Variants in IFT57 observed in about 807,000 individuals in gnomAD.
IFT57 encodes the protein intraflagellar transport 57, also known as intraflagellar transport protein 57 homolog.
A neutral mutation model predicts 56.8 loss-of-function variants in IFT57; 59 were observed. The observed-to-expected ratio is 1.04, with a 90% CI of 0.84 to 1.29. The LOEUF (loss-of-function observed/expected upper bound fraction) is 1.29, where lower values mean the gene tolerates loss of function less well. Ranked by LOEUF, IFT57 falls within the 50% of genes most tolerant of loss-of-function variation. The pLI, the probability that IFT57 is intolerant of heterozygous loss-of-function variation, is 0.00. For missense variants in IFT57, 470 were observed against 522.1 expected, an observed-to-expected ratio of 0.90 and a Z score of 0.97; for synonymous variants, 209 against 186.1, an observed-to-expected ratio of 1.12 and a Z score of -1.00.
chr3:108,217,916 G>A (rs1175313985), intron 3 of IFT57, among the ~76,000 whole-genome samples: 7 of 151,736 alleles, frequency 4.6e-5, no homozygotes, highest in African/African-American at 1.7e-4. Flanking sequence ...GATACACCAA[G>A]CATTATGCTA....
chr3:108,218,704 T>C, intron 2 of IFT57, 51 bp from the exon 3 acceptor site: 1 of 864,350 alleles, frequency 1.2e-6, no homozygotes, highest in Non-Finnish European at 1.8e-6. Context: ...ATACTCCAAA[T>C]GTCAAATATT....
intron 4 of IFT57, among the ~76,000 whole-genome samples, chr3:108,209,098 C>T (rs894043471): frequency 2.0e-5 from 3 of 152,130 alleles, no homozygotes; most frequent in African/African-American, 7.2e-5. Flanking sequence ...GTTATAAACA[C>T]AAACTACAAG....
At chr3:108,209,214 T>C (rs762487264) in intron 4 of IFT57, among the ~76,000 whole-genome samples, 14 of 152,244 alleles carry the variant, frequency 9.2e-5, no homozygotes, top group Non-Finnish European at 1.9e-4. Flanking sequence ...TATTCCCTTA[T>C]CATGTAACAT....
intron 10 of IFT57, 135 bp from the exon 11 acceptor site, chr3:108,162,790 TCA>T (rs2080041009): frequency 1.6e-6 from 1 of 644,876 alleles, no homozygotes; most frequent in East Asian, 3.0e-5. Flanking sequence ...TTACTGACAT[TCA>T]CACAGTTTTG....
intron 6 of IFT57, among the ~76,000 whole-genome samples, chr3:108,172,646 T>A (rs1021305380): frequency 4.0e-5 from 6 of 151,704 alleles, no homozygotes; most frequent in African/African-American, 1.5e-4. Flanking sequence ...CAAGGGACAT[T>A]GTAGAGGCAG....
At chr3:108,190,868 C>T (rs2080211439) in intron 6 of IFT57, among the ~76,000 whole-genome samples, 1 of 152,204 alleles carries the variant, frequency 6.6e-6, no homozygotes, top group Admixed American at 6.5e-5. Flanking sequence ...TCTTGGCTCA[C>T]TGCAACCTCT....
In IFT57 at chr3:108,173,970, G is replaced by A. The variant is rs1405460203; in HGVS notation, c.778-6106C>T. ...GTATTTTCATTAGGTGTCCTATTTAGTAAAAATCAGTATTTGCATATATTT... is the reference window on the plus strand; with the variant it reads ...GTATTTTCATTAGGTGTCCTATTTAATAAAAATCAGTATTTGCATATATTT... On this transcript the variant is annotated intron_variant, in intron 6 of 10. Transcript: ENST00000264538. Among the ~76,000 whole-genome samples, 5 of 137,674 alleles carry A rather than the reference G, an allele frequency of 3.6e-5. No homozygotes were observed. The Admixed American group carries it at 3.8e-4, about 10-fold the overall frequency. The allele number at this position is 137,674 out of a possible 152,430, so 90.3% of individuals were successfully genotyped here.
intron 3 of IFT57, among the ~76,000 whole-genome samples, chr3:108,216,402 G>A (rs748988303): frequency 1.3e-5 from 2 of 152,066 alleles, no homozygotes; most frequent in East Asian, 1.9e-4. Flanking sequence ...TCAGGGAAAC[G>A]CAAATCAAAA....
At chr3:108,202,869 G>A (rs192926646) in intron 5 of IFT57, among the ~76,000 whole-genome samples, 158 of 152,304 alleles carry the variant, frequency 1.0e-3, no homozygotes, top group African/African-American at 3.4e-3. Context: ...ATCAGTAGGA[G>A]GAACATATCT....
chr3:108,219,380 C>A, intron 2 of IFT57, 30 bp downstream of exon 2: 1 of 1,580,932 alleles, frequency 6.3e-7, no homozygotes, highest in Non-Finnish European at 8.7e-7. Context: ...AACTTGAGAA[C>A]AAGGAAAAAG....
rs1259379016 is a variant in IFT57, at chr3:108,191,722, C to T, written c.655-79G>A. On this transcript the variant is annotated intron_variant, in intron 5 of 10. Transcript: ENST00000264538. Reference sequence around the variant, plus strand: ...AATTTGAGGCATTTTAGCAGTACTGCACAATTTAAATCAAGAATTGGTAGT... The same window carrying T: ...AATTTGAGGCATTTTAGCAGTACTGTACAATTTAAATCAAGAATTGGTAGT... 4 of 865,966 alleles carry T rather than the reference C, an allele frequency of 4.6e-6. No homozygotes were observed. The African/African-American group carries it at 5.2e-5, about 11-fold the overall frequency. The allele number at this position is 865,966 out of a possible 1,614,324, so 53.6% of individuals were successfully genotyped here.
chr3:108,197,447 A>T (rs1326613818), intron 5 of IFT57, among the ~76,000 whole-genome samples: 2 of 152,192 alleles, frequency 1.3e-5, no homozygotes, highest in African/African-American at 4.8e-5. Flanking sequence ...ACTATCCCAT[A>T]AAGTAACCTT....
Position 108,191,735 on chromosome 3 carries a change from A to T in IFT57, c.655-92T>A, listed in dbSNP as rs890689375. ...TTAGCAGTACTGCACAATTTAAATC[A>T]AGAATTGGTAGTGTTAAAATTATAG... is the stretch of plus-strand genomic sequence containing the variant. On this transcript the variant is annotated intron_variant, in intron 5 of 10. Transcript: ENST00000264538. 5.8e-6 allele frequency: 4 copies of T among 695,072 alleles called. No individual in the cohort carries two copies. In the South Asian group the frequency reaches 1.1e-4, roughly 19 times the overall value. 43.1% of individuals were successfully genotyped at this position (695,072 alleles called of 1,614,324 possible). A position where few individuals can be genotyped will look rare whatever the true frequency, so the allele number is the denominator to read the frequency against.
chr3:108,208,789 AAAG>A (rs2080327734), intron 4 of IFT57, among the ~76,000 whole-genome samples: 1 of 152,216 alleles, frequency 6.6e-6, no homozygotes, highest in Non-Finnish European at 1.5e-5. Context: ...TCAACATGGC[AAAG>A]AAGGCAATTA....
At chr3:108,169,983 T>C (rs1006989817) in intron 6 of IFT57, among the ~76,000 whole-genome samples, 6 of 152,018 alleles carry the variant, frequency 3.9e-5, no homozygotes, top group Non-Finnish European at 7.4e-5. Context: ...AAACTTGGTA[T>C]TGATGGAACA....
At chr3:108,165,598 C>A (rs1297558125) in intron 8 of IFT57, 105 bp from the exon 9 acceptor site, 2 of 821,618 alleles carry the variant, frequency 2.4e-6, no homozygotes, top group Non-Finnish European at 4.3e-6. Context: ...TTTATGACAA[C>A]CCTGCTCCTT....
chr3:108,218,407 T>C, intron 3 of IFT57, 128 bp downstream of exon 3: 1 of 481,736 alleles, frequency 2.1e-6, no homozygotes. Context: ...TTCTTAATTA[T>C]CTGTGGCATT....
At chr3:108,210,382 G>A (rs985094729) in intron 4 of IFT57, among the ~76,000 whole-genome samples, 10 of 139,888 alleles carry the variant, frequency 7.1e-5, no homozygotes, top group African/African-American at 2.7e-4. Flanking sequence ...TGCCCAGGCC[G>A]GACTGCAGTG....
intron 5 of IFT57, among the ~76,000 whole-genome samples, chr3:108,194,477 T>TAA (rs3053409): frequency 2.3e-4 from 34 of 148,388 alleles, no homozygotes; most frequent in Admixed American, 7.4e-4. Flanking sequence ...TTCACAGAAA[T>TAA]AAAAAAAAAA....
Sources: allele counts gnomAD v4.1 joint callset (sites outside exome capture counted in the v4.1 genomes callset), GRCh38; gene constraint gnomAD v4.1.1; transcripts MANE v1.5; gene names NCBI Gene and HGNC (gene_info 2026-07-23, HGNC 2026-07-21).